C3: variants seen among roughly 807,000 people sequenced by gnomAD.
C3 encodes the protein C3 and PZP-like alpha-2-macroglobulin domain-containing protein 1.
A neutral mutation model predicts 207.9 loss-of-function variants in C3; 97 were observed. That is an observed-to-expected ratio of 0.47 (90% confidence interval 0.40 to 0.55). The LOEUF is 0.55. Among genes scored for constraint, C3 ranks in the 20% least tolerant of loss-of-function variants. C3 has a pLI of 0.00. For missense variants in C3, 1,684 were observed against 2,171.7 expected (o/e 0.78, Z 4.46); for synonymous variants, 848 against 857.6 (o/e 0.99, Z 0.20).
intron 40 of C3, 48 bp from the exon 41 acceptor site, chr19:6,678,071 C>G: frequency 6.2e-7 from 1 of 1,613,754 alleles, no homozygotes; most frequent in Non-Finnish European, 8.5e-7. Context: ...GTGGGCGTGG[C>G]GCAGGGGCGT....
chr19:6,688,486 A>T (rs968897253), intron 27 of C3, among the ~76,000 whole-genome samples: 1 of 151,670 alleles, frequency 6.6e-6, no homozygotes, highest in Non-Finnish European at 1.5e-5. Flanking sequence ...AATTCCTGGA[A>T]ATTTAACACT....
chr19:6,709,104 T>C (rs1967850974), intron 14 of C3, among the ~76,000 whole-genome samples: 1 of 152,166 alleles, frequency 6.6e-6, no homozygotes, highest in African/African-American at 2.4e-5. Context: ...CCTTCCCCAC[T>C]GAATGACCCT....
chr19:6,707,243 C>T lies in C3; in HGVS notation c.2078G>A (p.Cys693Tyr), dbSNP rs1967799672. 1 of 1,612,546 alleles carries T rather than the reference C, an allele frequency of 6.2e-7. No homozygotes were observed. The highest frequency in any genetic ancestry group is 1.7e-5 in the Admixed American group (1 of 59,796). The part of the protein sequence containing the change: ...VGKYPKELRK[C>Y]CEDGMRENPM... ...GTTCTCCCGCATGCCGTCCTCGCAGCACTTGCGCAGCTCCTTGGGGTACTT... is the reference window on the plus strand; with the variant it reads ...GTTCTCCCGCATGCCGTCCTCGCAGTACTTGCGCAGCTCCTTGGGGTACTT... The change falls in exon 17 of 41, where the codon TGC (cysteine) becomes TAC (tyrosine). Residue 693 changes from cysteine (C) to tyrosine (Y), a missense_variant. By Grantham distance (194) the Cys-to-Tyr change is radical. Transcript: ENST00000245907.
In C3 at chr19:6,713,416, C is replaced by T. The variant is rs2145430941; in HGVS notation, c.867G>A (p.Lys289=). 3.7e-6 allele frequency: 6 copies of T among 1,613,964 alleles called. No homozygotes were observed. The highest frequency in any genetic ancestry group is 5.1e-6 in the Non-Finnish European group (6 of 1,179,930). The change falls in exon 8 of 41, where the codon AAG becomes AAA. Residue 289 remains lysine, a synonymous_variant. Transcript: ENST00000245907. The part of the protein sequence containing the change: ...EQRISLPESL[K]RIPIEDGSGE... ...CCTCCGTCTATGGTACCGGAATGCGCTTGAGGGATTCAGGCAGGGAAATCC... is the reference window on the plus strand; with the variant it reads ...CCTCCGTCTATGGTACCGGAATGCGTTTGAGGGATTCAGGCAGGGAAATCC...
At chr19:6,688,128 G>C (rs1430776058) in intron 27 of C3, among the ~76,000 whole-genome samples, 2 of 148,780 alleles carry the variant, frequency 1.3e-5, no homozygotes, top group South Asian at 2.1e-4. Context: ...ACAGGCGTGA[G>C]CCACCGCGCC....
intron 27 of C3, among the ~76,000 whole-genome samples, chr19:6,688,194 A>C (rs1218024198): frequency 7.3e-6 from 1 of 137,102 alleles, no homozygotes; most frequent in Non-Finnish European, 1.6e-5. Flanking sequence ...TGCATGGCGC[A>C]ATCTCGGCTC....
intron 4 of C3, among the ~76,000 whole-genome samples, chr19:6,714,688 C>A (rs1227705214): frequency 2.0e-5 from 3 of 152,066 alleles, no homozygotes; most frequent in African/African-American, 7.2e-5. Flanking sequence ...GTGATGAAAC[C>A]CTGTCTCTAC....
chr19:6,708,189 T>A lies in C3; in HGVS notation c.1846-260A>T, dbSNP rs1294187171. ...TCTTGCTCTGTCACCCAGGCTGGAG[T>A]GCAGTGGTGTGATCTCCGCTCACTG... is the stretch of plus-strand genomic sequence containing the variant. On this transcript the variant is annotated intron_variant, in intron 14 of 40. Transcript: ENST00000245907. Among the ~76,000 whole-genome samples the A allele has an allele frequency of 2.6e-5, 4 of 151,986 alleles. 1 individual carries two copies. In the East Asian group the frequency reaches 7.7e-4, roughly 29 times the overall value.
At chr19:6,709,320 C>A (rs1967854921) in intron 14 of C3, among the ~76,000 whole-genome samples, 1 of 152,136 alleles carries the variant, frequency 6.6e-6, no homozygotes. Context: ...TGGTGATGGG[C>A]ACCTGTAGTC....
At position 6,696,667 on chromosome 19, in the gene C3, G is replaced by A. The variant is rs1331358009; in HGVS notation, c.2797-8C>T. ...CATTCTGATTCCTTCCGGCTACGCA[G>A]TGTTAGAGGTGGGGGGAGTCGTTGG... is the stretch of plus-strand genomic sequence containing the variant. On this transcript the variant is annotated splice_polypyrimidine_tract_variant and splice_region_variant and intron_variant, in intron 21 of 40. Coordinates refer to ENST00000245907, the MANE Select transcript of C3 (RefSeq NM_000064.4). The A allele has an allele frequency of 6.2e-7, 1 of 1,613,180 alleles. No homozygotes were observed. The highest frequency in any genetic ancestry group is 1.1e-5 in the South Asian group (1 of 91,064).
rs779637315 is a variant in C3 at position 6,712,263 on chromosome 19, G to A, written c.1263C>T (p.Ser421=). 9 of 1,613,684 alleles carry A rather than the reference G, an allele frequency of 5.6e-6. No individual in the cohort carries two copies. In the African/African-American group the frequency reaches 9.3e-5, roughly 17 times the overall value. Residue 421 remains serine (S), a synonymous_variant, in exon 11 of 41, where the codon AGC becomes AGT. Coordinates refer to ENST00000245907, the MANE Select transcript of C3 (RefSeq NM_000064.4). ...AGGCTGGGCCCAGACGCACCGTGAT[G>A]CTCAAGGGCTTCTGGCTGGGGTGTG... ...INTHPSQKPL[S]ITVRTKKQEL... is the part of the protein sequence containing the mutation.
Position 6,707,806 on chromosome 19 carries a change from T to G in C3, c.1969A>C (p.Arg657=). 6.2e-7 allele frequency: 1 copy of G among 1,613,514 alleles called. No homozygotes were observed. Among genetic ancestry groups the G allele is most frequent in the Non-Finnish European group, 8.5e-7 (1 of 1,179,952 alleles). Residue 657 remains arginine, a synonymous_variant, in exon 15 of 41, where the codon AGG becomes CGG. Transcript: ENST00000245907. ...CCCCTGGTGGCGACCTCACCTGCCC[T>G]CTGGGCGGTCTGCTGGCCACTGCTG... ...TSSSGQQTAQ[R]AELQCPQPAA...
chr19:6,720,633 G>A lies in C3; in HGVS notation c.-44C>T, dbSNP rs773043245. 1.6e-4 allele frequency: 237 copies of A among 1,466,868 alleles called. 2 individuals are homozygous for A. The highest frequency in any genetic ancestry group is 7.7e-5 in the Non-Finnish European group (82 of 1,069,076). The allele number at this position is 1,466,868 out of a possible 1,614,324, so 90.9% of individuals were successfully genotyped here. ...GGTCAGAGGGACAGAGGGACAGAGGGAGAGGATGGGGAGGAGTGAGCAGCG... is the reference window on the plus strand; with the variant it reads ...GGTCAGAGGGACAGAGGGACAGAGGAAGAGGATGGGGAGGAGTGAGCAGCG... On this transcript the variant is annotated 5_prime_UTR_variant, in exon 1 of 41. Coordinates refer to ENST00000245907, the MANE Select transcript of C3 (RefSeq NM_000064.4).
At position 6,685,293 on chromosome 19, in the gene C3, G is replaced by C. The variant is rs2241393; in HGVS notation, c.3811-147C>G. 293,693 of 739,252 alleles carry C rather than the reference G, an allele frequency of 0.4. 61,215 individuals are homozygous for C. Among genetic ancestry groups the C allele is most frequent in the East Asian group, 0.66 (24,759 of 37,302 alleles). The allele number at this position is 739,252 out of a possible 1,614,324, so 45.8% of individuals were successfully genotyped here. ...GAGAGTGCAGGGGTGATAACTGGAGGTCACTGGACTCTGAGGACATGTTCA... is the reference window on the plus strand; with the variant it reads ...GAGAGTGCAGGGGTGATAACTGGAGCTCACTGGACTCTGAGGACATGTTCA... On this transcript the variant is annotated intron_variant, in intron 29 of 40. Coordinates refer to ENST00000245907, the MANE Select transcript of C3 (RefSeq NM_000064.4).
chr19:6,688,382 C>A (rs1276631171), intron 27 of C3, among the ~76,000 whole-genome samples: 4 of 152,208 alleles, frequency 2.6e-5, no homozygotes, highest in African/African-American at 9.7e-5. Context: ...GATCTGCCGG[C>A]CTTGGCTTCC....
In C3 at chr19:6,677,866, G is replaced by C. The variant is rs943694477; in HGVS notation, c.*16C>G. ...ATAACTGAAGCTTTATCTGGAGTGG[G>C]GGAATGGGGGTGTGGTCAGTTGGGG... On this transcript the variant is annotated 3_prime_UTR_variant, in exon 41 of 41. Transcript: ENST00000245907. 6.2e-7 allele frequency: 1 copy of C among 1,613,768 alleles called. No homozygotes were observed. The highest frequency in any genetic ancestry group is 1.3e-5 in the African/African-American group (1 of 75,012).
rs374509630 is a variant in C3, at chr19:6,678,103, T to C, written c.4850+49A>G. On this transcript the variant is annotated intron_variant, in intron 40 of 40. Coordinates refer to ENST00000245907, the MANE Select transcript of C3 (RefSeq NM_000064.4). ...GCGTGACAATGGTGTGGGCGTGGCA[T>C]GGGCGGGGCAGTCGGGCGGTCGCGC... is the stretch of plus-strand genomic sequence containing the variant. 2.0e-4 allele frequency: 325 copies of C among 1,613,870 alleles called. 2 individuals carry two copies. The South Asian group carries it at 3.3e-3, about 16-fold the overall frequency.
At chr19:6,708,211 A>G (rs1967825374) in intron 14 of C3, among the ~76,000 whole-genome samples, 1 of 151,676 alleles carries the variant, frequency 6.6e-6, no homozygotes. Flanking sequence ...ATCTCCGCTC[A>G]CTGTAACCTC....
rs1918005022 is a variant in C3, at chr19:6,686,226, G to A, written c.3708C>T (p.Ala1236=). The A allele has an allele frequency of 6.2e-7, 1 of 1,614,170 alleles. No individual in the cohort carries two copies. Among genetic ancestry groups the A allele is most frequent in the Non-Finnish European group, 8.5e-7 (1 of 1,180,034 alleles). The change falls in exon 29 of 41, where the codon GCC becomes GCT. Residue 1236 remains alanine (A), a synonymous_variant. Coordinates refer to ENST00000245907, the MANE Select transcript of C3 (RefSeq NM_000064.4). ...QLYNVEATSY[A]LLALLQLKDF... The stretch of plus-strand genomic sequence containing the variant: ...CTTTTAGCTGCAGTAGGGCCAAGAG[G>A]GCATAGGATGTGGCCTCCACGTTGT...
Sources: gnomAD v4.1 joint callset for allele counts (sites outside exome capture counted in the v4.1 genomes callset) on GRCh38, gnomAD v4.1.1 for gene constraint, MANE v1.5 for transcripts, NCBI Gene and HGNC (gene_info 2026-07-23, HGNC 2026-07-21) for gene names.